RPRD2: variants seen among roughly 807,000 people sequenced by gnomAD.
RPRD2 encodes regulation of nuclear pre-mRNA domain containing 2, also known as regulation of nuclear pre-mRNA domain-containing protein 2.
In RPRD2, 12 loss-of-function variants were observed where a neutral mutation model predicts 104.4. That is an observed-to-expected ratio of 0.11 (90% confidence interval 0.07 to 0.19). The LOEUF (loss-of-function observed/expected upper bound fraction) is 0.19. RPRD2 is among the 10% of genes least tolerant of loss of function. RPRD2 has a pLI of 1.00. For missense variants in RPRD2, 1,543 were observed against 1,790.1 expected (o/e 0.86, Z 2.49); for synonymous variants, 714 against 684.9 (o/e 1.04, Z -0.66).
rs587594207 is a variant in RPRD2 at position 150,382,693 on chromosome 1, G to A, written c.205+17774G>A. Among the ~76,000 whole-genome samples the A allele has an allele frequency of 1.2e-4, 18 of 152,176 alleles. No homozygotes were observed. The East Asian group carries it at 3.5e-3, about 29-fold the overall frequency. On this transcript the variant is annotated intron_variant, in intron 1 of 10. Coordinates refer to ENST00000369068, the MANE Select transcript of RPRD2 (RefSeq NM_015203.5). ...TGTGCTAATATAAATGCATCTTGTT[G>A]GGTGCGGTGGTACTTGCCTATAGTC...
intron 1 of RPRD2, among the ~76,000 whole-genome samples, chr1:150,373,532 A>ATTTTTTTT (rs1572342696): frequency 7.6e-4 from 34 of 44,894 alleles, no homozygotes; most frequent in Middle Eastern, 0.021. Context: ...ATCAAGAATG[A>ATTTTTTTT]CTTTTTTTTT....
chr1:150,401,702 G>T (rs1462044565), intron 1 of RPRD2, among the ~76,000 whole-genome samples: 2 of 150,880 alleles, frequency 1.3e-5, no homozygotes, highest in Admixed American at 6.6e-5. Flanking sequence ...GGAGTGCAGT[G>T]GCGCAATCTC....
intron 2 of RPRD2, among the ~76,000 whole-genome samples, chr1:150,440,268 C>A (rs35322831): frequency 0.22 from 33,642 of 151,660 alleles, 4,222 homozygotes; most frequent in African/African-American, 0.32. Context: ...CGGCCTCCCA[C>A]AATTGGCCAG....
intron 1 of RPRD2, among the ~76,000 whole-genome samples, chr1:150,379,128 C>CA: frequency 7.2e-6 from 1 of 139,786 alleles, no homozygotes; most frequent in South Asian, 2.4e-4. Context: ...TAAAAAAAAA[C>CA]AAAAATTAGA....
intron 8 of RPRD2, among the ~76,000 whole-genome samples, chr1:150,457,799 G>A (rs769842243): frequency 5.3e-5 from 8 of 152,092 alleles, no homozygotes; most frequent in Admixed American, 2.0e-4. Flanking sequence ...GGCCATGGGC[G>A]GTGGCTCATG....
At position 150,476,542 on chromosome 1, in the gene RPRD2, G is replaced by A. The variant is rs193071728; in HGVS notation, c.*3208G>A. 1.8e-4 allele frequency: 28 copies of A among 152,282 alleles called. No homozygotes were observed. Among genetic ancestry groups the A allele is most frequent in the Non-Finnish European group, 2.8e-4 (19 of 68,016 alleles). The allele number at this position is 152,282 out of a possible 1,614,324, so 9.4% of individuals were successfully genotyped here. On this transcript the variant is annotated 3_prime_UTR_variant, in exon 11 of 11. Coordinates refer to ENST00000369068, the MANE Select transcript of RPRD2 (RefSeq NM_015203.5). ...TCCTTTTGAAATGTGTGTTAATATC[G>A]TTTAATAAAATAACTAGTTTGAAAG...
intron 2 of RPRD2, among the ~76,000 whole-genome samples, chr1:150,427,864 A>G (rs587715823): frequency 2.6e-5 from 4 of 152,264 alleles, no homozygotes; most frequent in African/African-American, 9.6e-5. Flanking sequence ...AATAAAGTTA[A>G]ATGATTTCCT....
At position 150,364,530 on chromosome 1, in the gene RPRD2, C is replaced by T; in HGVS notation, c.-185C>T. On this transcript the variant is annotated 5_prime_UTR_variant, in exon 1 of 11. Transcript: ENST00000369068. ...CCTTGCAGCGTGTAGGAGCTGCCAG[C>T]GTGCCCAGCAGCTGGTGTTCCCGTC... is the stretch of plus-strand genomic sequence containing the variant. 1 of 552,660 alleles carries T rather than the reference C, an allele frequency of 1.8e-6. No individual in the cohort carries two copies. The highest frequency in any genetic ancestry group is 3.2e-6 in the Non-Finnish European group (1 of 315,546). 34.2% of individuals were successfully genotyped at this position (552,660 alleles called of 1,614,324 possible).
intron 7 of RPRD2, among the ~76,000 whole-genome samples, chr1:150,447,389 T>C (rs4926435): frequency 0.6 from 89,625 of 149,666 alleles, 27,327 homozygotes; most frequent in African/African-American, 0.65. Flanking sequence ...GGCTGGAGTG[T>C]AATGGCGTGA....
At chr1:150,365,578 T>C (rs959089895) in intron 1 of RPRD2, among the ~76,000 whole-genome samples, 9 of 152,162 alleles carry the variant, frequency 5.9e-5, no homozygotes, top group Admixed American at 5.9e-4. Context: ...CCTTCAAATA[T>C]AAAGCGTGTC....
At chr1:150,409,727 T>A (rs587625840) in intron 1 of RPRD2, among the ~76,000 whole-genome samples, 1 of 150,658 alleles carries the variant, frequency 6.6e-6, no homozygotes, top group South Asian at 2.1e-4. Context: ...TGGCTCACTG[T>A]AACCTCCGCC....
At position 150,457,505 on chromosome 1, in the gene RPRD2, C is replaced by T; in HGVS notation, c.1088C>T (p.Thr363Ile). 6.2e-7 allele frequency: 1 copy of T among 1,613,728 alleles called. No individual in the cohort carries two copies. Among genetic ancestry groups the T allele is most frequent in the East Asian group, 2.2e-5 (1 of 44,872 alleles). Residue 363 changes from threonine to isoleucine, a missense_variant, in exon 8 of 11, where the codon ACA becomes ATA. Coordinates refer to ENST00000369068, the MANE Select transcript of RPRD2 (RefSeq NM_015203.5). ...SEKSATPEPV[T>I]DNRDVEDMEL... is the part of the protein sequence containing the mutation. The stretch of plus-strand genomic sequence containing the variant: ...AAATCTGCCACACCTGAACCTGTGA[C>T]AGATAATCGTGATGTGGAAGACATG...
At chr1:150,379,545 G>A (rs1270486666) in intron 1 of RPRD2, among the ~76,000 whole-genome samples, 1 of 152,014 alleles carries the variant, frequency 6.6e-6, no homozygotes, top group Non-Finnish European at 1.5e-5. Flanking sequence ...TGGGATTACA[G>A]GCATGTGCCA....
chr1:150,390,131 C>T (rs2102173139), intron 1 of RPRD2, among the ~76,000 whole-genome samples: 1 of 152,202 alleles, frequency 6.6e-6, no homozygotes, highest in Non-Finnish European at 1.5e-5. Context: ...AAGAAATAAA[C>T]AACTGTGGGT....
At chr1:150,424,341 G>A (rs1171797997) in intron 2 of RPRD2, among the ~76,000 whole-genome samples, 1 of 151,792 alleles carries the variant, frequency 6.6e-6, no homozygotes, top group African/African-American at 2.4e-5. Context: ...CCAGGCTGGA[G>A]TGCAGCGGCA....
chr1:150,413,091 G>A (rs912565534), intron 1 of RPRD2, among the ~76,000 whole-genome samples: 10 of 152,128 alleles, frequency 6.6e-5, no homozygotes, highest in African/African-American at 2.4e-4. Flanking sequence ...CCTGTTGCAG[G>A]GGTGGTTCAG....
At chr1:150,464,297 C>T (rs1218610443) in intron 9 of RPRD2, among the ~76,000 whole-genome samples, 1 of 151,896 alleles carries the variant, frequency 6.6e-6, no homozygotes, top group Non-Finnish European at 1.5e-5. Context: ...GTGTGAGCCA[C>T]CTCGCCCGGC....
intron 1 of RPRD2, among the ~76,000 whole-genome samples, chr1:150,417,274 G>GTGAGGGAGAAATGTCCT (rs1553888761): frequency 1.3e-5 from 2 of 151,922 alleles, no homozygotes; most frequent in African/African-American, 4.8e-5. Context: ...CATCTACAAA[G>GTGAGGGAGAAATGTCCT]TGAGGGAGAA....
At chr1:150,379,832 G>A (rs1053660619) in intron 1 of RPRD2, among the ~76,000 whole-genome samples, 9 of 152,192 alleles carry the variant, frequency 5.9e-5, no homozygotes, top group African/African-American at 1.4e-4. Flanking sequence ...CAACGCACCC[G>A]GCCAGGTTTA....
Sources: allele counts gnomAD v4.1 joint callset (sites outside exome capture counted in the v4.1 genomes callset), GRCh38; gene constraint gnomAD v4.1.1; transcripts MANE v1.5; gene names NCBI Gene and HGNC (gene_info 2026-07-23, HGNC 2026-07-21).